The following ANK1 variants were observed in gnomAD, a reference collection of about 807,000 sequenced individuals.
ANK1 encodes ankyrin 1, also known as ankyrin-1.
A neutral mutation model predicts 210.4 loss-of-function variants in ANK1; 51 were observed. The observed-to-expected ratio is 0.24, with a 90% CI of 0.19 to 0.31. ANK1 has a LOEUF of 0.31. ANK1 is among the 10% of genes least tolerant of loss of function. The pLI, the probability that ANK1 is intolerant of heterozygous loss-of-function variation, is 1.00. For synonymous variants in ANK1, 967 were observed against 1,025.9 expected, an observed-to-expected ratio of 0.94 and a Z score of 1.10; for missense variants, 2,051 against 2,504.4, an observed-to-expected ratio of 0.82 and a Z score of 3.86.
At chr8:41,743,535 C>A (rs568112956) in intron 2 of ANK1, among the ~76,000 whole-genome samples, 72 of 152,268 alleles carry the variant, frequency 4.7e-4, no homozygotes, top group African/African-American at 1.7e-3. Flanking sequence ...CTGGAGATGT[C>A]GGCCTTAGAG....
At chr8:41,661,127 C>G (rs146123322) in intron 42 of ANK1, 4 of 418,164 alleles carry the variant, frequency 9.6e-6, no homozygotes, top group Admixed American at 3.6e-5. Context: ...CCTTTTGCCT[C>G]GACCTCACAA....
intron 1 of ANK1, among the ~76,000 whole-genome samples, chr8:41,816,163 C>T (rs890540686): frequency 6.6e-6 from 1 of 152,214 alleles, no homozygotes; most frequent in Non-Finnish European, 1.5e-5. Flanking sequence ...AGCTAGCCAT[C>T]ATTTCACGCT....
chr8:41,668,598 G>A lies in ANK1; in HGVS notation c.5097-34C>T, dbSNP rs185434561. On this transcript the variant is annotated intron_variant, in intron 38 of 42. Transcript: ENST00000289734. ...CAGAAGAAGCAGCAGATGGCCGGCC[G>A]GGGAGAGAGAAAAGACACCTGGTCA... 3.4e-3 allele frequency: 5,486 copies of A among 1,595,970 alleles called. 27 individuals carry two copies. Among genetic ancestry groups the A allele is most frequent in the Middle Eastern group, 0.023 (135 of 5,966 alleles).
chr8:41,680,147 T>C (rs751985444), intron 37 of ANK1, among the ~76,000 whole-genome samples: 1 of 152,174 alleles, frequency 6.6e-6, no homozygotes, highest in African/African-American at 2.4e-5. Flanking sequence ...CGATGAGACT[T>C]GAGAACTGGG....
chr8:41,882,018 C>T (rs910039421), intron 1 of ANK1, among the ~76,000 whole-genome samples: 2 of 152,162 alleles, frequency 1.3e-5, no homozygotes, highest in Non-Finnish European at 2.9e-5. Flanking sequence ...ACAAACCCTA[C>T]ATCTGTCACC....
At chr8:41,815,636 T>A (rs906571052) in intron 1 of ANK1, among the ~76,000 whole-genome samples, 2 of 152,290 alleles carry the variant, frequency 1.3e-5, no homozygotes, top group Admixed American at 1.3e-4. Flanking sequence ...TTTCCTTGTA[T>A]ACTTTCTATG....
chr8:41,850,298 C>T (rs905957934), intron 1 of ANK1, among the ~76,000 whole-genome samples: 8 of 151,750 alleles, frequency 5.3e-5, no homozygotes, highest in African/African-American at 1.7e-4. Context: ...GTGGGGCTAA[C>T]GGTGACAACT....
At chr8:41,853,317 G>A (rs757167577) in intron 1 of ANK1, among the ~76,000 whole-genome samples, 3 of 152,190 alleles carry the variant, frequency 2.0e-5, no homozygotes, top group Non-Finnish European at 4.4e-5. Context: ...CTTTGCTTAC[G>A]ATGTATCTTC....
chr8:41,723,451 C>G, intron 8 of ANK1, 84 bp downstream of exon 8: 1 of 1,509,322 alleles, frequency 6.6e-7, no homozygotes, highest in Non-Finnish European at 9.2e-7. Flanking sequence ...CTAACTAGGT[C>G]ACCAAGGGCC....
upstream of ANK1, chr8:41,797,623 G>T (rs1849023696): frequency 1.9e-6 from 3 of 1,596,290 alleles, no homozygotes; most frequent in Non-Finnish European, 2.6e-6. The surrounding 1 kb of genome is among the most constrained non-coding windows in gnomAD (Gnocchi z 4.0). Context: ...CGCAGCCTCT[G>T]CGGGGCCTGT....
At chr8:41,707,788 AAAAATGTGCCAGATTTTGTAC>A (rs1252119501) in intron 17 of ANK1, among the ~76,000 whole-genome samples, 21 of 152,278 alleles carry the variant, frequency 1.4e-4, no homozygotes, top group South Asian at 2.1e-4. Flanking sequence ...CAAATTTGTA[AAAAATGTGCCAGATTTTGTAC>A]AAAATGTGCC....
At chr8:41,775,539 C>G (rs1843840245) in intron 1 of ANK1, among the ~76,000 whole-genome samples, 1 of 152,184 alleles carries the variant, frequency 6.6e-6, no homozygotes, top group African/African-American at 2.4e-5. Context: ...CAATGAGATA[C>G]AGAAGTGAGA....
chr8:41,719,651 C>T lies in ANK1; in HGVS notation c.1107+10G>A. On this transcript the variant is annotated intron_variant, in intron 10 of 42. Transcript: ENST00000289734. ...CACTCTGCACCTTCTCCAGCAGCAC[C>T]CCCACTCACCAGGGCTCTGGAGTTG... 2 of 1,614,186 alleles carry T rather than the reference C, an allele frequency of 1.2e-6. No homozygotes were observed. The highest frequency in any genetic ancestry group is 1.7e-6 in the Non-Finnish European group (2 of 1,180,024).
intron 39 of ANK1, chr8:41,665,274 T>C (rs957181845): frequency 9.4e-6 from 14 of 1,491,040 alleles, no homozygotes; most frequent in Middle Eastern, 1.7e-4. Context: ...CTGCCCTGAG[T>C]GGCCCGGGTG....
chr8:41,886,795 A>T (rs1241194102), intron 1 of ANK1, among the ~76,000 whole-genome samples: 1 of 152,210 alleles, frequency 6.6e-6, no homozygotes, highest in Non-Finnish European at 1.5e-5. Flanking sequence ...CTGGTTAACC[A>T]GCCTGGACTT....
intron 1 of ANK1, among the ~76,000 whole-genome samples, chr8:41,803,029 G>GAAAGAAAGAAAGAA (rs1850234384): frequency 1.2e-5 from 1 of 85,442 alleles, no homozygotes; most frequent in Non-Finnish European, 2.3e-5. Flanking sequence ...AAGAAAGAAA[G>GAAAGAAAGAAAGAA]AAAGAAAGAA....
At chr8:41,783,847 G>C (rs1262486012) in intron 1 of ANK1, among the ~76,000 whole-genome samples, 1 of 152,216 alleles carries the variant, frequency 6.6e-6, no homozygotes, top group Non-Finnish European at 1.5e-5. Context: ...AGGATCATTT[G>C]AGGCCAGGAG....
At position 41,835,409 on chromosome 8, in the gene ANK1, A is replaced by G. The variant is rs561231212; in HGVS notation, c.126+60946T>C. ...GGAGGTAGCAGTGAGCTGAGATCGT[A>G]TTATTGCACTCCAGCCTGGGAGACA... On this transcript the variant is annotated intron_variant, in intron 1 of 42. Coordinates refer to the ANK1 transcript ENST00000265709. Among the ~76,000 whole-genome samples, 77 of 152,266 alleles carry G rather than the reference A, an allele frequency of 5.1e-4. No individual in the cohort carries two copies. In the South Asian group the frequency reaches 0.011, roughly 21 times the overall value.
intron 2 of ANK1, among the ~76,000 whole-genome samples, chr8:41,740,379 C>T (rs911144258): frequency 3.9e-5 from 6 of 152,046 alleles, no homozygotes; most frequent in Middle Eastern, 3.4e-3. Context: ...AGGCTGGTCT[C>T]GAACTCCTGA....
Sources: allele counts gnomAD v4.1 joint callset (sites outside exome capture counted in the v4.1 genomes callset), GRCh38; gene constraint gnomAD v4.1.1; non-coding constraint Gnocchi (gnomAD v3.1); transcripts MANE v1.5; gene names NCBI Gene and HGNC (gene_info 2026-07-23, HGNC 2026-07-21).